The following CRISPLD2 variants were observed in gnomAD, a reference collection of about 807,000 sequenced individuals.
CRISPLD2 encodes cysteine-rich secretory protein LCCL domain-containing 2.
In CRISPLD2, 47 loss-of-function variants were observed where a neutral mutation model predicts 71.1. The observed-to-expected ratio is 0.66, with a 90% CI of 0.52 to 0.84. The LOEUF (loss-of-function observed/expected upper bound fraction) is 0.84, where lower values mean the gene tolerates loss of function less well. CRISPLD2 is among the 40% of genes least tolerant of loss of function. The probability of loss-of-function intolerance (pLI) is 0.00; values close to 1 mark genes in which losing one functional copy is unlikely to be tolerated. For missense variants in CRISPLD2, 830 were observed against 651.1 expected (o/e 1.27, Z -2.99); for synonymous variants, 317 against 250.1 (o/e 1.27, Z -2.52).
At position 84,820,133 on chromosome 16, in the gene CRISPLD2, G is replaced by A. The variant is rs1344172236; in HGVS notation, c.-75G>A. 2 of 152,238 alleles carry A rather than the reference G, an allele frequency of 1.3e-5. No homozygotes were observed. Among genetic ancestry groups the A allele is most frequent in the Non-Finnish European group, 2.9e-5 (2 of 68,052 alleles). The allele number at this position is 152,238 out of a possible 1,614,324, so 9.4% of individuals were successfully genotyped here. A position where few individuals can be genotyped will look rare whatever the true frequency, so the allele number is the denominator to read the frequency against. The stretch of plus-strand genomic sequence containing the variant: ...GAGCTGGTGATTGGAGCCCTGCGGA[G>A]GTAAGTGTGATTTCCATGCTTCTCC... On this transcript the variant is annotated splice_region_variant and 5_prime_UTR_variant, in exon 1 of 15. Transcript: ENST00000262424.
chr16:84,856,448 T>C (rs1490586210), intron 6 of CRISPLD2, among the ~76,000 whole-genome samples: 1 of 152,192 alleles, frequency 6.6e-6, no homozygotes, highest in South Asian at 2.1e-4. Flanking sequence ...ATGGGATTGC[T>C]GCTATGTCTC....
At chr16:84,879,658 G>A (rs1213591517) in intron 12 of CRISPLD2, among the ~76,000 whole-genome samples, 2 of 151,822 alleles carry the variant, frequency 1.3e-5, no homozygotes, top group Non-Finnish European at 2.9e-5. Context: ...CACTGCACCT[G>A]GCCTTCTTTT....
intron 14 of CRISPLD2, among the ~76,000 whole-genome samples, chr16:84,904,452 T>C (rs1391011881): frequency 2.0e-5 from 3 of 152,148 alleles, no homozygotes; most frequent in East Asian, 3.9e-4. Context: ...CGCGTGGTGG[T>C]GTGCACCTGT....
intron 2 of CRISPLD2, among the ~76,000 whole-genome samples, chr16:84,842,531 A>C (rs1298591765): frequency 6.6e-6 from 1 of 151,224 alleles, no homozygotes; most frequent in Non-Finnish European, 1.5e-5. Context: ...GCACCAGCAC[A>C]CCCGGCTAAT....
intron 1 of CRISPLD2, among the ~76,000 whole-genome samples, chr16:84,833,004 C>T (rs911369643): frequency 2.0e-5 from 3 of 152,224 alleles, no homozygotes; most frequent in Non-Finnish European, 4.4e-5. Context: ...ATAGTGCAAA[C>T]AAGCTGTGTT....
intron 11 of CRISPLD2, among the ~76,000 whole-genome samples, chr16:84,876,748 T>C (rs113453525): frequency 0.066 from 10,113 of 152,224 alleles, 1,135 homozygotes; most frequent in African/African-American, 0.23. Context: ...GCCAAGATCG[T>C]GCCGTTTCAC....
chr16:84,863,593 C>G (rs896258074), intron 6 of CRISPLD2, among the ~76,000 whole-genome samples: 1 of 152,214 alleles, frequency 6.6e-6, no homozygotes, highest in Admixed American at 6.5e-5. Context: ...GGGCAGGGCC[C>G]TTACCCTCTC....
chr16:84,892,380 G>A (rs970485527), intron 14 of CRISPLD2, among the ~76,000 whole-genome samples: 7 of 152,230 alleles, frequency 4.6e-5, no homozygotes, highest in Admixed American at 2.6e-4. Flanking sequence ...AAGTCAGTCA[G>A]CACACACGTC....
At chr16:84,894,760 G>A (rs2934474) in intron 14 of CRISPLD2, among the ~76,000 whole-genome samples, 93,024 of 151,948 alleles carry the variant, frequency 0.61, 29,424 homozygotes, top group East Asian at 0.84. Flanking sequence ...TGGGTATAAG[G>A]TCTTGGAGAT....
Position 84,838,648 on chromosome 16 carries a change from C to G in CRISPLD2, c.153C>G (p.Ile51Met). The G allele has an allele frequency of 6.2e-7, 1 of 1,614,216 alleles. No individual in the cohort carries two copies. Among genetic ancestry groups the G allele is most frequent in the Non-Finnish European group, 8.5e-7 (1 of 1,180,032 alleles). Residue 51 changes from isoleucine to methionine, a missense_variant, in exon 2 of 15, where the codon ATC (isoleucine) becomes ATG (methionine). Transcript: ENST00000262424. ...NESHSRVRRAIPREDKEEILM... is the reference protein window; with the variant it reads ...NESHSRVRRAMPREDKEEILM... ...CTCACTCCCGGGTCCGCAGAGCCAT[C>G]CCCAGGGAGGACAAGGAGGAGATCC...
Position 84,897,892 on chromosome 16 carries a change from C to T in CRISPLD2, c.1439+8529C>T, listed in dbSNP as rs185037254. Reference sequence around the variant, plus strand: ...TTGGCCTCCCAAAATGCTGGGATTACAGGCGTGAGCTACCACACCCGGCTT... The same window carrying T: ...TTGGCCTCCCAAAATGCTGGGATTATAGGCGTGAGCTACCACACCCGGCTT... On this transcript the variant is annotated intron_variant, in intron 14 of 14. Transcript: ENST00000262424. Among the ~76,000 whole-genome samples the T allele has an allele frequency of 1.9e-3, 283 of 152,378 alleles. 3 individuals are homozygous for T. The highest frequency in any genetic ancestry group is 1.2e-3 in the Non-Finnish European group (80 of 68,036).
chr16:84,850,428 G>A (rs1567687249), intron 4 of CRISPLD2, 140 bp from the exon 5 acceptor site: 2 of 659,482 alleles, frequency 3.0e-6, no homozygotes, highest in Non-Finnish European at 5.4e-6. Flanking sequence ...TATCTTCAAT[G>A]GGTTAGGGAC....
At chr16:84,848,475 T>C (rs1874016) in intron 3 of CRISPLD2, among the ~76,000 whole-genome samples, 2 of 124,776 alleles carry the variant, frequency 1.6e-5, no homozygotes, top group Non-Finnish European at 3.7e-5. Flanking sequence ...AAAAAAAAAA[T>C]GGTGCCAACC....
At chr16:84,837,996 G>A (rs1048055483) in intron 1 of CRISPLD2, among the ~76,000 whole-genome samples, 2 of 152,212 alleles carry the variant, frequency 1.3e-5, no homozygotes, top group Non-Finnish European at 2.9e-5. Flanking sequence ...GGGACTAGAA[G>A]TTTGCTCTCA....
chr16:84,883,925 C>T (rs547735407), intron 13 of CRISPLD2, among the ~76,000 whole-genome samples: 7 of 150,480 alleles, frequency 4.7e-5, no homozygotes, highest in African/African-American at 1.5e-4. Context: ...CTCACTGCAA[C>T]CTCCGCCTCC....
At chr16:84,890,994 T>G (rs2071657240) in intron 14 of CRISPLD2, among the ~76,000 whole-genome samples, 1 of 152,158 alleles carries the variant, frequency 6.6e-6, no homozygotes, top group Non-Finnish European at 1.5e-5. Flanking sequence ...CTCCAACTCC[T>G]GACCTCAGGT....
intron 2 of CRISPLD2, among the ~76,000 whole-genome samples, chr16:84,843,583 G>C (rs1916833617): frequency 6.6e-6 from 1 of 152,208 alleles, no homozygotes; most frequent in Non-Finnish European, 1.5e-5. Context: ...TGCATGATGG[G>C]AACAAGAAAC....
chr16:84,836,688 G>A (rs1470629785), intron 1 of CRISPLD2, among the ~76,000 whole-genome samples: 3 of 152,088 alleles, frequency 2.0e-5, no homozygotes, highest in African/African-American at 4.8e-5. Context: ...GCCCGTCTTG[G>A]CCTCTATCCC....
chr16:84,893,147 C>T (rs897462028), intron 14 of CRISPLD2, among the ~76,000 whole-genome samples: 1 of 152,082 alleles, frequency 6.6e-6, no homozygotes, highest in African/African-American at 2.4e-5. Flanking sequence ...GCCCGCTGCA[C>T]TGGGGACACT....
Sources: allele counts gnomAD v4.1 joint callset (sites outside exome capture counted in the v4.1 genomes callset), GRCh38; gene constraint gnomAD v4.1.1; transcripts MANE v1.5; gene names NCBI Gene and HGNC (gene_info 2026-07-23, HGNC 2026-07-21).